Variants in CCDC7 observed in about 807,000 individuals in gnomAD.
CCDC7 encodes coiled-coil domain-containing protein 7.
Under a neutral mutation model 196.9 loss-of-function variants are expected in CCDC7, and 183 were observed. The ratio of observed to expected loss-of-function variants is 0.93; its 90% CI spans 0.82 to 1.05. CCDC7 has a LOEUF of 1.05. CCDC7 is among the 50% of genes least tolerant of loss of function. CCDC7 has a pLI of 0.00. For missense variants in CCDC7, 1,540 were observed against 1,482.2 expected (o/e 1.04, Z -0.64); for synonymous variants, 525 against 484.6 (o/e 1.08, Z -1.10).
exon 40 of CCDC7, chr10:32,851,850 A>C: frequency 1.2e-6 from 2 of 1,612,762 alleles, no homozygotes; most frequent in East Asian, 4.5e-5. Context: ...CTGCACCTTC[A>C]AAAGCAATTT....
At chr10:32,575,802 G>A (rs10508775) in intron 16 of CCDC7, among the ~76,000 whole-genome samples, 52,375 of 152,028 alleles carry the variant, frequency 0.34, 11,460 homozygotes, top group Non-Finnish European at 0.5. Context: ...TGATCTTAGA[G>A]ACTCATTATT....
At chr10:32,579,282 A>AT (rs1564718802) in intron 16 of CCDC7, among the ~76,000 whole-genome samples, 1 of 151,844 alleles carries the variant, frequency 6.6e-6, no homozygotes, top group African/African-American at 2.4e-5. Context: ...TAGTGCATTG[A>AT]TTACATTTTG....
intron 21 of CCDC7, among the ~76,000 whole-genome samples, chr10:32,681,520 C>T (rs2141034028): frequency 6.6e-6 from 1 of 152,176 alleles, no homozygotes. Flanking sequence ...ATGTTATATG[C>T]CCAAGAGCCT....
intron 20 of CCDC7, among the ~76,000 whole-genome samples, chr10:32,663,406 A>G (rs10219137): frequency 0.019 from 2,849 of 152,278 alleles, 94 homozygotes; most frequent in African/African-American, 0.065. Flanking sequence ...TTGGTCACCA[A>G]CTACTTTGTT....
chr10:32,762,440 T>C (rs2077605309), intron 28 of CCDC7, among the ~76,000 whole-genome samples: 1 of 151,650 alleles, frequency 6.6e-6, no homozygotes, highest in African/African-American at 2.4e-5. Context: ...ACACAGTGCT[T>C]ATCAATATTC....
rs567083406 is a variant in CCDC7 at position 32,736,294 on chromosome 10, G to A, written c.2905+6837G>A. On this transcript the variant is annotated intron_variant, in intron 28 of 41. Coordinates refer to ENST00000639629, the Ensembl canonical transcript of CCDC7. Reference sequence around the variant, plus strand: ...TTGAGACTTCCTATTCTTTAACATGGACTATTGCTCCATTTAGATCTTAGA... The same window carrying A: ...TTGAGACTTCCTATTCTTTAACATGAACTATTGCTCCATTTAGATCTTAGA... Among the ~76,000 whole-genome samples, 3 of 151,218 alleles carry A rather than the reference G, an allele frequency of 2.0e-5. No homozygotes were observed. In the South Asian group the frequency reaches 6.2e-4, roughly 31 times the overall value.
At chr10:32,845,663 T>C in intron 35 of CCDC7, 37 bp downstream of exon 36, 1 of 1,528,376 alleles carries the variant, frequency 6.5e-7, no homozygotes. Flanking sequence ...TATTTATGGT[T>C]TATTTATATT....
At chr10:32,571,640 G>T (rs913112509) in intron 15 of CCDC7, among the ~76,000 whole-genome samples, 3 of 151,724 alleles carry the variant, frequency 2.0e-5, no homozygotes, top group African/African-American at 7.3e-5. Context: ...AACCTTATTT[G>T]CTCTTAATTT....
intron 11 of CCDC7, among the ~76,000 whole-genome samples, chr10:32,524,685 C>G (rs1190346542): frequency 6.6e-6 from 1 of 152,146 alleles, no homozygotes; most frequent in Non-Finnish European, 1.5e-5. Context: ...TCCTTCAGAT[C>G]ATTAAATATG....
chr10:32,683,472 T>C (rs2076088088), intron 21 of CCDC7, among the ~76,000 whole-genome samples: 1 of 152,234 alleles, frequency 6.6e-6, no homozygotes, highest in Non-Finnish European at 1.5e-5. Context: ...CTTTGGCTAT[T>C]TGGGCTCTTT....
intron 21 of CCDC7, among the ~76,000 whole-genome samples, chr10:32,676,689 A>G (rs58763752): frequency 0.089 from 13,512 of 152,098 alleles, 853 homozygotes; most frequent in East Asian, 0.33. Context: ...CACACCAGTT[A>G]GAATGGCAAT....
intron 9 of CCDC7, among the ~76,000 whole-genome samples, chr10:32,514,759 A>G (rs1268985637): frequency 6.6e-6 from 1 of 152,242 alleles, no homozygotes; most frequent in Non-Finnish European, 1.5e-5. Context: ...CATCATTGAA[A>G]GAACTTAAAG....
intron 29 of CCDC7, among the ~76,000 whole-genome samples, chr10:32,802,132 C>T (rs1483213759): frequency 6.6e-6 from 1 of 152,074 alleles, no homozygotes; most frequent in Non-Finnish European, 1.5e-5. Flanking sequence ...CTTAGGGCAA[C>T]CTTAGAAGAT....
At chr10:32,779,761 T>C (rs926600749) in intron 29 of CCDC7, among the ~76,000 whole-genome samples, 1 of 152,192 alleles carries the variant, frequency 6.6e-6, no homozygotes, top group African/African-American at 2.4e-5. Context: ...GAACCAACTT[T>C]GTGAGAGCTT....
chr10:32,444,089 C>T (rs1371970022), upstream of CCDC7, among the ~76,000 whole-genome samples: 2 of 151,898 alleles, frequency 1.3e-5, no homozygotes, highest in Admixed American at 1.3e-4. Context: ...ATTTCTTTTT[C>T]TTGCCTTATT....
rs188342682 is a variant in CCDC7 at position 32,530,511 on chromosome 10, A to G, written c.993+12006A>G. 8.2e-4 allele frequency among the ~76,000 whole-genome samples: 125 copies of G among 152,200 alleles called. 3 individuals are homozygous for G. The highest frequency in any genetic ancestry group is 6.4e-3 in the South Asian group (31 of 4,820). Reference sequence around the variant, plus strand: ...ACTGTCACCACTTTTATTAAACACAACACTGTTTATGTTTTAAATGGGATG... The same window carrying G: ...ACTGTCACCACTTTTATTAAACACAGCACTGTTTATGTTTTAAATGGGATG... On this transcript the variant is annotated intron_variant, in intron 11 of 41. Coordinates refer to ENST00000639629, the Ensembl canonical transcript of CCDC7.
intron 20 of CCDC7, among the ~76,000 whole-genome samples, chr10:32,659,064 C>T (rs2070651716): frequency 6.6e-6 from 1 of 151,998 alleles, no homozygotes; most frequent in Admixed American, 6.6e-5. Context: ...TTATTTCCTT[C>T]CTCCTATTAA....
At chr10:32,750,669 C>T (rs1230236167) in intron 28 of CCDC7, among the ~76,000 whole-genome samples, 1 of 152,122 alleles carries the variant, frequency 6.6e-6, no homozygotes, top group Non-Finnish European at 1.5e-5. Flanking sequence ...AGCAAGCAAG[C>T]CCATTGATTC....
At chr10:32,814,451 C>T (rs760150402) in exon 31 of CCDC7, 1 of 1,599,508 alleles carries the variant, frequency 6.3e-7, no homozygotes, top group Admixed American at 1.7e-5. Flanking sequence ...AAGAGTCTCC[C>T]TGGTAAGAAC....
Sources: gnomAD v4.1 joint callset for allele counts (sites outside exome capture counted in the v4.1 genomes callset) on GRCh38, gnomAD v4.1.1 for gene constraint, MANE v1.5 for transcripts, NCBI Gene and HGNC (gene_info 2026-07-23, HGNC 2026-07-21) for gene names.